PKHD1: variants seen among roughly 807,000 people sequenced by gnomAD.
PKHD1 encodes the protein fibrocystin.
In PKHD1, 291 loss-of-function variants were observed where a neutral mutation model predicts 412.0. The ratio of observed to expected loss-of-function variants is 0.71; its 90% CI spans 0.64 to 0.78. PKHD1 has a LOEUF of 0.78. PKHD1 is among the 30% of genes least tolerant of loss of function. The pLI, the probability that PKHD1 is intolerant of heterozygous loss-of-function variation, is 0.00. For synonymous variants in PKHD1, 1,777 were observed against 1,821.5 expected (o/e 0.98, Z 0.62); for missense variants, 4,825 against 4,950.7 (o/e 0.97, Z 0.76).
chr6:51,682,117 T>C (rs1378535472), intron 60 of PKHD1: 1 of 418,728 alleles, frequency 2.4e-6, no homozygotes, highest in Non-Finnish European at 4.8e-6. Flanking sequence ...AGGATGTCAG[T>C]ACTCTGATGG....
Position 52,058,373 on chromosome 6 carries a change from G to A in PKHD1, c.1462C>T (p.Arg488Trp), listed in dbSNP as rs139770251. 2.5e-5 allele frequency: 40 copies of A among 1,613,998 alleles called. No homozygotes were observed. The highest frequency in any genetic ancestry group is 5.3e-5 in the African/African-American group (4 of 74,882). The change falls in exon 16 of 67, where the codon CGG becomes TGG. Residue 488 changes from arginine to tryptophan, a missense_variant. Transcript: ENST00000371117. ...CGGACTCGGATCTGGTGCTTCTCCC[G>A]TAGGTAAGTGGTGACCACATCAGGA... ...LNPDVVTTYL[R>W]EKHQIRVRAQ...
At chr6:52,066,130 T>C (rs143183446) in intron 11 of PKHD1, 53 bp from the exon 12 acceptor site, 1 of 795,830 alleles carries the variant, frequency 1.3e-6, no homozygotes, top group Non-Finnish European at 2.2e-6. Flanking sequence ...GACCAGAATA[T>C]GACCTAGATA....
At chr6:51,819,667 T>C (rs1766052741) in intron 52 of PKHD1, among the ~76,000 whole-genome samples, 1 of 152,160 alleles carries the variant, frequency 6.6e-6, no homozygotes, top group Admixed American at 6.6e-5. Context: ...ATCTCCAACA[T>C]GAGGCAAAGT....
At chr6:51,715,458 C>A (rs1483328582) in intron 60 of PKHD1, among the ~76,000 whole-genome samples, 1 of 152,164 alleles carries the variant, frequency 6.6e-6, no homozygotes, top group Non-Finnish European at 1.5e-5. Context: ...CATGTATATT[C>A]TTCCAGATAC....
intron 50 of PKHD1, 56 bp downstream of exon 50, chr6:51,847,719 T>C: frequency 8.4e-7 from 1 of 1,197,498 alleles, no homozygotes; most frequent in Non-Finnish European, 1.2e-6. Flanking sequence ...AATTGAAGGG[T>C]GATTGGTGAT....
intron 60 of PKHD1, among the ~76,000 whole-genome samples, chr6:51,712,755 C>A (rs1461294728): frequency 6.6e-6 from 1 of 152,186 alleles, no homozygotes; most frequent in African/African-American, 2.4e-5. Context: ...AAATTGACTT[C>A]ACATCTCTGA....
At chr6:51,623,042 T>C (rs2150257326) in intron 66 of PKHD1, among the ~76,000 whole-genome samples, 1 of 152,280 alleles carries the variant, frequency 6.6e-6, no homozygotes, top group African/African-American at 2.4e-5. Context: ...ACATAAATAT[T>C]ATTTCCCTGA....
intron 63 of PKHD1, 137 bp from the exon 64 acceptor site, chr6:51,639,093 GTTC>G: frequency 6.9e-6 from 5 of 724,408 alleles, no homozygotes; most frequent in Non-Finnish European, 1.3e-5. Context: ...AATCCATCAG[GTTC>G]TTCTTAGTCA....
At chr6:51,956,094 T>C (rs1266919) in intron 36 of PKHD1, among the ~76,000 whole-genome samples, 106,952 of 151,860 alleles carry the variant, frequency 0.7, 38,163 homozygotes, top group East Asian at 0.94. Context: ...GTTACATTGA[T>C]CAGATATTTG....
intron 60 of PKHD1, among the ~76,000 whole-genome samples, chr6:51,668,115 G>C (rs1219409663): frequency 1.3e-5 from 2 of 152,174 alleles, no homozygotes; most frequent in Non-Finnish European, 2.9e-5. Context: ...GGATGGCACT[G>C]AATCTGTAAA....
intron 60 of PKHD1, among the ~76,000 whole-genome samples, chr6:51,692,880 G>A (rs945004172): frequency 1.3e-5 from 2 of 152,026 alleles, no homozygotes; most frequent in African/African-American, 4.8e-5. Context: ...AATGTTATTA[G>A]AGGCCTTTAT....
chr6:52,021,940 T>TA (rs1801456931), intron 33 of PKHD1, among the ~76,000 whole-genome samples: 1 of 152,192 alleles, frequency 6.6e-6, no homozygotes, highest in Admixed American at 6.5e-5. Flanking sequence ...GAATAAAACT[T>TA]AAACACTACA....
chr6:51,772,463 T>C (rs1469961808), intron 55 of PKHD1, among the ~76,000 whole-genome samples: 1 of 151,954 alleles, frequency 6.6e-6, no homozygotes, highest in Non-Finnish European at 1.5e-5. Flanking sequence ...TTATGTATTA[T>C]CTAAAATTTT....
chr6:52,020,609 T>C (rs1224622058), intron 33 of PKHD1, among the ~76,000 whole-genome samples: 1 of 152,146 alleles, frequency 6.6e-6, no homozygotes, highest in African/African-American at 2.4e-5. Context: ...ACTGCTGCCA[T>C]AGAGGAACTA....
chr6:52,063,021 A>T (rs1808914180), intron 13 of PKHD1, among the ~76,000 whole-genome samples: 2 of 152,104 alleles, frequency 1.3e-5, no homozygotes, highest in African/African-American at 4.8e-5. Flanking sequence ...TGCTTCCCAA[A>T]GCCAGAAGTG....
At chr6:51,648,997 G>T in intron 62 of PKHD1, 88 bp downstream of exon 62, 2 of 1,283,946 alleles carry the variant, frequency 1.6e-6, no homozygotes, top group Non-Finnish European at 2.3e-6. Context: ...CTGTAAATGT[G>T]TATCAATGAT....
In PKHD1 at chr6:51,836,436, C is replaced by T. The variant is rs371665285; in HGVS notation, c.8141G>A (p.Arg2714Gln). 70 of 1,613,208 alleles carry T rather than the reference C, an allele frequency of 4.3e-5. No individual in the cohort carries two copies. The African/African-American group carries it at 6.5e-4, about 15-fold the overall frequency. ...SGEGQVQVIL[R>Q]VKEGMPPTIS... ...AGTTGGGGGCATACCTTCCTTCACC[C>T]GGAGAATGACTTGAACTTGGCCTTC... Residue 2714 changes from arginine to glutamine, a missense_variant, in exon 51 of 67, where the codon CGG (arginine) becomes CAG (glutamine). By Grantham distance (43) the Arg-to-Gln change is conservative (BLOSUM62 1). Coordinates refer to ENST00000371117, the MANE Select transcript of PKHD1 (RefSeq NM_138694.4).
At position 52,024,966 on chromosome 6, in the gene PKHD1, G is replaced by A. The variant is rs147529495; in HGVS notation, c.4844C>T (p.Thr1615Met). ...GATGAGCTCAGCACCGATGTTCACC[G>A]TCAGGCAGGTCTGCTGGTCAATATA... ...SVYIDQQTCL[T>M]VNIGAELIRC... is the part of the protein sequence containing the mutation. The change falls in exon 32 of 67, where the codon ACG (threonine) becomes ATG (methionine). Residue 1615 changes from threonine (T) to methionine (M), a missense_variant. Thr to Met is a moderately conservative substitution (Grantham distance 81). Coordinates refer to ENST00000371117, the MANE Select transcript of PKHD1 (RefSeq NM_138694.4). 680 of 1,614,200 alleles carry A rather than the reference G, an allele frequency of 4.2e-4. 6 individuals are homozygous for A. In the South Asian group the frequency reaches 5.4e-3, roughly 13 times the overall value.
chr6:51,928,107 G>A (rs765375196), intron 37 of PKHD1, among the ~76,000 whole-genome samples: 1 of 152,094 alleles, frequency 6.6e-6, no homozygotes, highest in Non-Finnish European at 1.5e-5. Flanking sequence ...GCCCCATACT[G>A]ACAATATGAA....
Sources: allele counts gnomAD v4.1 joint callset (sites outside exome capture counted in the v4.1 genomes callset), GRCh38; gene constraint gnomAD v4.1.1; transcripts MANE v1.5; gene names NCBI Gene and HGNC (gene_info 2026-07-23, HGNC 2026-07-21).